CDYL2: variants seen among roughly 807,000 people sequenced by gnomAD.
CDYL2 encodes chromodomain Y like 2, also known as chromodomain Y-like protein 2.
A neutral mutation model predicts 49.4 loss-of-function variants in CDYL2; 23 were observed. That is an observed-to-expected ratio of 0.47 (90% CI 0.34 to 0.66). CDYL2 has a LOEUF of 0.66. Ranked by LOEUF, CDYL2 falls within the 30% of genes least tolerant of loss-of-function variation. CDYL2 has a pLI of 0.01. For missense variants in CDYL2, 678 were observed against 656.4 expected (o/e 1.03, Z -0.36); for synonymous variants, 360 against 268.8 (o/e 1.34, Z -3.32).
intron 1 of CDYL2, among the ~76,000 whole-genome samples, chr16:80,767,656 G>C (rs573183897): frequency 6.6e-6 from 1 of 152,304 alleles, no homozygotes; most frequent in African/African-American, 2.4e-5. Flanking sequence ...ATAGAAGGTG[G>C]AAGCGGCCAA....
chr16:80,700,111 G>A (rs966988998), intron 1 of CDYL2, among the ~76,000 whole-genome samples: 13 of 152,102 alleles, frequency 8.5e-5, no homozygotes, highest in African/African-American at 2.7e-4. Context: ...CGCCCGCCTC[G>A]GCCTCCCAAA....
intron 6 of CDYL2, 89 bp from the exon 7 acceptor site, chr16:80,604,635 T>C: frequency 7.3e-7 from 1 of 1,377,432 alleles, no homozygotes; most frequent in Non-Finnish European, 1.0e-6. Context: ...CTGGCCAACC[T>C]CCCATACTCA....
At chr16:80,605,785 C>G (rs1198507211) in intron 6 of CDYL2, among the ~76,000 whole-genome samples, 2 of 152,254 alleles carry the variant, frequency 1.3e-5, no homozygotes, top group East Asian at 3.9e-4. Context: ...TCACCATTAT[C>G]CAACAGGATC....
At chr16:80,714,699 C>T (rs569197250) in intron 1 of CDYL2, among the ~76,000 whole-genome samples, 1 of 152,140 alleles carries the variant, frequency 6.6e-6, no homozygotes, top group Admixed American at 6.5e-5. Context: ...TACATCAATG[C>T]CATCCTGGAA....
chr16:80,664,019 T>A (rs1312448792), intron 2 of CDYL2, among the ~76,000 whole-genome samples: 1 of 152,034 alleles, frequency 6.6e-6, no homozygotes, highest in Non-Finnish European at 1.5e-5. Context: ...CCATGCTAAC[T>A]CCAAAAGCTC....
intron 1 of CDYL2, among the ~76,000 whole-genome samples, chr16:80,714,926 GT>G (rs1369716401): frequency 6.6e-6 from 1 of 152,062 alleles, no homozygotes; most frequent in Non-Finnish European, 1.5e-5. Flanking sequence ...GTTTCCATCT[GT>G]CCCCCCAAGT....
At chr16:80,662,771 G>C (rs1040948849) in intron 2 of CDYL2, 1 of 455,752 alleles carries the variant, frequency 2.2e-6, no homozygotes, top group Non-Finnish European at 4.4e-6. Context: ...CTACCGTACT[G>C]GACAGTGAAG....
At chr16:80,770,112 G>GA (rs147800633) in intron 1 of CDYL2, among the ~76,000 whole-genome samples, 243 of 151,864 alleles carry the variant, frequency 1.6e-3, no homozygotes, top group African/African-American at 3.9e-3. Context: ...AATTAAGGAT[G>GA]AAAAAAAATG....
At chr16:80,636,699 C>A (rs1315876142) in intron 2 of CDYL2, among the ~76,000 whole-genome samples, 2 of 152,184 alleles carry the variant, frequency 1.3e-5, no homozygotes, top group African/African-American at 4.8e-5. Flanking sequence ...CAATCCCATC[C>A]TGGGTATATA....
At chr16:80,605,054 GCTATCAC>G in intron 6 of CDYL2, among the ~76,000 whole-genome samples, 1 of 151,568 alleles carries the variant, frequency 6.6e-6, no homozygotes, top group South Asian at 2.1e-4. Flanking sequence ...AACACTCAAG[GCTATCAC>G]CTTCATAATC....
chr16:80,779,127 G>GCT (rs1907184387), intron 1 of CDYL2, among the ~76,000 whole-genome samples: 2 of 151,932 alleles, frequency 1.3e-5, no homozygotes, highest in Non-Finnish European at 2.9e-5. Context: ...GAAGGGAGGA[G>GCT]AACAGTGAGA....
intron 1 of CDYL2, among the ~76,000 whole-genome samples, chr16:80,759,309 G>T (rs950328510): frequency 6.6e-6 from 1 of 151,554 alleles, no homozygotes; most frequent in Admixed American, 6.6e-5. Flanking sequence ...ATTTTCCACA[G>T]TGAATGGAGA....
At chr16:80,635,841 G>A (rs1907797013) in intron 2 of CDYL2, among the ~76,000 whole-genome samples, 1 of 152,166 alleles carries the variant, frequency 6.6e-6, no homozygotes, top group African/African-American at 2.4e-5. Flanking sequence ...AACCAAAACA[G>A]CATGGTACTG....
intron 1 of CDYL2, among the ~76,000 whole-genome samples, chr16:80,741,660 A>T (rs1294737879): frequency 6.6e-6 from 1 of 152,228 alleles, no homozygotes; most frequent in Non-Finnish European, 1.5e-5. Flanking sequence ...TAAACAAACA[A>T]CAGATATTTA....
At position 80,624,884 on chromosome 16, in the gene CDYL2, T is replaced by C. The variant is rs1121650; in HGVS notation, c.835-3949A>G. 2.9e-3 allele frequency among the ~76,000 whole-genome samples: 438 copies of C among 152,194 alleles called. 4 individuals carry two copies. The highest frequency in any genetic ancestry group is 9.3e-3 in the African/African-American group (385 of 41,508). On this transcript the variant is annotated intron_variant, in intron 3 of 6. Coordinates refer to ENST00000570137, the MANE Select transcript of CDYL2 (RefSeq NM_152342.4). ...AAAGTAACTGAAAGACCTGAAGTAA[T>C]TGACCAAAACGTAGCACAGAAAAAC...
At chr16:80,756,850 C>T (rs1037155445) in intron 1 of CDYL2, among the ~76,000 whole-genome samples, 6 of 142,124 alleles carry the variant, frequency 4.2e-5, no homozygotes, top group Admixed American at 7.2e-5. Context: ...GCATTATCAT[C>T]GTATAAATTA....
At chr16:80,670,044 C>T (rs142067337) in intron 2 of CDYL2, among the ~76,000 whole-genome samples, 47 of 152,358 alleles carry the variant, frequency 3.1e-4, no homozygotes, top group Admixed American at 2.3e-3. Context: ...ACAACAACCT[C>T]ATCAAGTAGC....
chr16:80,623,988 T>A (rs567730222), intron 3 of CDYL2, among the ~76,000 whole-genome samples: 1 of 152,168 alleles, frequency 6.6e-6, no homozygotes, highest in African/African-American at 2.4e-5. Flanking sequence ...TCCTGCCACA[T>A]GCTACGTTCT....
At chr16:80,655,007 T>A (rs907702207) in intron 2 of CDYL2, among the ~76,000 whole-genome samples, 1 of 152,172 alleles carries the variant, frequency 6.6e-6, no homozygotes, top group African/African-American at 2.4e-5. Context: ...CCCAGGCAGA[T>A]CCAGGGCACG....
Sources: allele counts gnomAD v4.1 joint callset (sites outside exome capture counted in the v4.1 genomes callset), GRCh38; gene constraint gnomAD v4.1.1; transcripts MANE v1.5; gene names NCBI Gene and HGNC (gene_info 2026-07-23, HGNC 2026-07-21).